Variants in RNF152 observed in about 807,000 individuals in gnomAD.
The protein encoded by RNF152 is E3 ubiquitin-protein ligase RNF152.
In RNF152, 11 loss-of-function variants were observed where a neutral mutation model predicts 12.7. The ratio of observed to expected loss-of-function variants is 0.86; its 90% CI spans 0.54 to 1.43. The LOEUF is 1.43. Ranked by LOEUF, RNF152 falls within the 40% of genes most tolerant of loss-of-function variation. The pLI is 0.00. For missense variants in RNF152, 255 were observed against 274.8 expected (o/e 0.93, Z 0.51); for synonymous variants, 113 against 120.3 (o/e 0.94, Z 0.40).
intron 1 of RNF152, among the ~76,000 whole-genome samples, chr18:61,821,628 T>C (rs1278172248): frequency 1.3e-5 from 2 of 152,150 alleles, no homozygotes; most frequent in Non-Finnish European, 2.9e-5. Context: ...AGTGATTACT[T>C]TAGAGCAAGG....
chr18:61,816,849 G>A (rs1233288003), intron 1 of RNF152, among the ~76,000 whole-genome samples: 1 of 152,150 alleles, frequency 6.6e-6, no homozygotes, highest in Non-Finnish European at 1.5e-5. Flanking sequence ...AGTTGTAGAC[G>A]ATGCATCTGT....
At chr18:61,844,094 G>GAAAGAAAGAAAGAAAGAAAGAAAGAA (rs1568275229) in intron 1 of RNF152, among the ~76,000 whole-genome samples, 2,008 of 110,250 alleles carry the variant, frequency 0.018, 47 homozygotes, top group Non-Finnish European at 0.029. Flanking sequence ...AAGAAAGAAA[G>GAAAGAAAGAAAGAAAGAAAGAAAGAA]AAAGAAAGAA....
intron 1 of RNF152, among the ~76,000 whole-genome samples, chr18:61,823,423 G>A (rs1169392851): frequency 6.6e-6 from 1 of 152,184 alleles, no homozygotes; most frequent in Admixed American, 6.5e-5. Context: ...AGCCTCCTGA[G>A]TAGCTGGGAT....
chr18:61,876,593 A>G (rs1313607825), intron 1 of RNF152, among the ~76,000 whole-genome samples: 1 of 152,268 alleles, frequency 6.6e-6, no homozygotes. Context: ...AGCATACTGC[A>G]GTGGCTTACA....
intron 1 of RNF152, among the ~76,000 whole-genome samples, chr18:61,886,342 A>G (rs532815133): frequency 6.6e-6 from 1 of 152,302 alleles, no homozygotes; most frequent in South Asian, 2.1e-4. Flanking sequence ...CCTGTGTACA[A>G]ACACGGTGGC....
At chr18:61,851,586 C>T (rs933619749) in intron 1 of RNF152, among the ~76,000 whole-genome samples, 1 of 152,198 alleles carries the variant, frequency 6.6e-6, no homozygotes, top group African/African-American at 2.4e-5. Flanking sequence ...AGTTAAGTAA[C>T]TACCTGAGTA....
At chr18:61,872,968 G>C (rs572949366) in intron 1 of RNF152, among the ~76,000 whole-genome samples, 1 of 152,168 alleles carries the variant, frequency 6.6e-6, no homozygotes, top group South Asian at 2.1e-4. Context: ...TCCTTTGGTT[G>C]GTACTTTTCA....
chr18:61,845,998 C>T (rs1036152608), intron 1 of RNF152, among the ~76,000 whole-genome samples: 4 of 152,108 alleles, frequency 2.6e-5, no homozygotes, highest in African/African-American at 7.2e-5. Flanking sequence ...AGGGAGCTCA[C>T]TTATCTCGTT....
chr18:61,872,014 C>T (rs536442390), intron 1 of RNF152, among the ~76,000 whole-genome samples: 1 of 152,262 alleles, frequency 6.6e-6, no homozygotes, highest in Non-Finnish European at 1.5e-5. Context: ...AATTGGCTCA[C>T]GGTTCTGCAG....
chr18:61,879,557 T>G (rs1384113087), intron 1 of RNF152, among the ~76,000 whole-genome samples: 1 of 152,114 alleles, frequency 6.6e-6, no homozygotes, highest in South Asian at 2.1e-4. Context: ...AGAAAGCGTG[T>G]TCCGGGGAAA....
At chr18:61,887,908 A>G (rs1286901742) in intron 1 of RNF152, among the ~76,000 whole-genome samples, 2 of 152,124 alleles carry the variant, frequency 1.3e-5, no homozygotes, top group Non-Finnish European at 2.9e-5. Flanking sequence ...GGTTGTAGAA[A>G]GAGAAAATAC....
At chr18:61,875,642 T>G (rs1336104724) in intron 1 of RNF152, among the ~76,000 whole-genome samples, 1 of 152,218 alleles carries the variant, frequency 6.6e-6, no homozygotes, top group Non-Finnish European at 1.5e-5. Context: ...CTCCCAAATC[T>G]GTTTTTTTCC....
chr18:61,881,078 T>A (rs1410453456), intron 1 of RNF152, among the ~76,000 whole-genome samples: 1 of 152,080 alleles, frequency 6.6e-6, no homozygotes, highest in African/African-American at 2.4e-5. Flanking sequence ...CACGCCCAAC[T>A]AATTTTTGTA....
chr18:61,891,622 G>T (rs1912964981), intron 1 of RNF152, among the ~76,000 whole-genome samples: 1 of 152,128 alleles, frequency 6.6e-6, no homozygotes. Context: ...ACTGGCCTTT[G>T]TTTCACCTGG....
intron 1 of RNF152, among the ~76,000 whole-genome samples, chr18:61,833,292 A>T (rs543183012): frequency 6.6e-6 from 1 of 152,342 alleles, no homozygotes; most frequent in South Asian, 2.1e-4. Context: ...TATTTCAGAA[A>T]ATAATTCTCT....
At chr18:61,871,209 C>A (rs113665879) in intron 1 of RNF152, among the ~76,000 whole-genome samples, 2 of 148,340 alleles carry the variant, frequency 1.3e-5, no homozygotes, top group African/African-American at 5.0e-5. Context: ...CCACCTCCCC[C>A]CACCCCAAAA....
At chr18:61,893,458 C>G (rs1913054859), upstream of RNF152, 1 of 152,510 alleles carries the variant, frequency 6.6e-6, no homozygotes, top group South Asian at 2.1e-4. Context: ...ACCCAGGCAG[C>G]GCTCCCCAAG....
intron 1 of RNF152, among the ~76,000 whole-genome samples, chr18:61,848,939 A>T (rs778210335): frequency 3.3e-5 from 5 of 152,234 alleles, no homozygotes; most frequent in Non-Finnish European, 5.9e-5. Context: ...GGGATGCAGA[A>T]TCTCCAGCAC....
chr18:61,858,828 C>T (rs1911336815), intron 1 of RNF152, among the ~76,000 whole-genome samples: 1 of 152,180 alleles, frequency 6.6e-6, no homozygotes, highest in Non-Finnish European at 1.5e-5. Context: ...CAGCAAATTT[C>T]ACTATTTTCA....
Sources: allele counts gnomAD v4.1 joint callset (sites outside exome capture counted in the v4.1 genomes callset), GRCh38; gene constraint gnomAD v4.1.1; transcripts MANE v1.5; gene names NCBI Gene and HGNC (gene_info 2026-07-23, HGNC 2026-07-21).